Variants in RIMS2 observed in about 807,000 individuals in gnomAD.
The protein encoded by RIMS2 is regulating synaptic membrane exocytosis 2, also known as regulating synaptic membrane exocytosis protein 2.
Under a neutral mutation model 174.4 loss-of-function variants are expected in RIMS2, and 59 were observed. The ratio of observed to expected loss-of-function variants is 0.34; its 90% CI spans 0.27 to 0.42. RIMS2 has a LOEUF of 0.42. RIMS2 is among the 10% of genes least tolerant of loss of function. The pLI, the probability that RIMS2 is intolerant of heterozygous loss-of-function variation, is 1.00. For synonymous variants in RIMS2, 606 were observed against 572.5 expected, an observed-to-expected ratio of 1.06 and a Z score of -0.84; for missense variants, 1,620 against 1,666.3, an observed-to-expected ratio of 0.97 and a Z score of 0.48.
chr8:103,785,131 C>A (rs1228475296), intron 3 of RIMS2, among the ~76,000 whole-genome samples: 2 of 142,950 alleles, frequency 1.4e-5, no homozygotes, highest in African/African-American at 2.7e-5. Flanking sequence ...TATCCTGAGA[C>A]TTTGCTGAAG....
At chr8:103,915,725 T>A in intron 7 of RIMS2, 131 bp downstream of exon 10, 1 of 449,012 alleles carries the variant, frequency 2.2e-6, no homozygotes, top group Non-Finnish European at 4.0e-6. Context: ...TCTCTATTCA[T>A]TAATGGAAAG....
At chr8:104,181,167 T>C (rs1017441363) in intron 19 of RIMS2, among the ~76,000 whole-genome samples, 5 of 151,674 alleles carry the variant, frequency 3.3e-5, no homozygotes, top group African/African-American at 9.7e-5. Context: ...AAAAGCAAAA[T>C]AGAATAGGTG....
At chr8:103,566,397 A>G (rs745632741) in intron 1 of RIMS2, among the ~76,000 whole-genome samples, 2 of 152,130 alleles carry the variant, frequency 1.3e-5, no homozygotes, top group African/African-American at 2.4e-5. Context: ...AGATGTTCAA[A>G]GTTGTCATTT....
chr8:104,158,745 G>GT lies in RIMS2; in HGVS notation c.3335-86163dup, dbSNP rs1051810064. On this transcript the variant is annotated intron_variant, in intron 19 of 23. Coordinates refer to ENST00000504942, the Ensembl canonical transcript of RIMS2. ...CCTTTGCCCACTTTCTGATGGGGTT[G>GT]TTTTTTTTCTTGTAAATTTGTTTAA... Among the ~76,000 whole-genome samples, 355 of 151,750 alleles carry GT rather than the reference G, an allele frequency of 2.3e-3. 4 individuals carry two copies. Among genetic ancestry groups the GT allele is most frequent in the Middle Eastern group, 3.4e-3 (1 of 294 alleles).
At position 104,209,455 on chromosome 8, in the gene RIMS2, T is replaced by C. The variant is rs76308568; in HGVS notation, c.3335-35461T>C. ...GCTTAGAGGAACAAGAGAACTATCTTCAAGACTTTGCTCAAATATCTCCTT... is the reference window on the plus strand; with the variant it reads ...GCTTAGAGGAACAAGAGAACTATCTCCAAGACTTTGCTCAAATATCTCCTT... On this transcript the variant is annotated intron_variant, in intron 19 of 23. Transcript: ENST00000504942. Among the ~76,000 whole-genome samples, 1,508 of 152,288 alleles carry C rather than the reference T, an allele frequency of 9.9e-3. 20 individuals carry two copies. The highest frequency in any genetic ancestry group is 0.033 in the African/African-American group (1,357 of 41,562).
At chr8:104,075,736 A>G (rs1342961512) in intron 19 of RIMS2, among the ~76,000 whole-genome samples, 1 of 152,250 alleles carries the variant, frequency 6.6e-6, no homozygotes, top group Non-Finnish European at 1.5e-5. Flanking sequence ...ACCTGCTGAT[A>G]TGGGAGCATA....
intron 3 of RIMS2, among the ~76,000 whole-genome samples, chr8:103,779,532 C>T (rs959928124): frequency 6.6e-6 from 1 of 151,742 alleles, no homozygotes; most frequent in Admixed American, 6.6e-5. Flanking sequence ...GTTCTTGGTG[C>T]CTTTGTTGAA....
intron 19 of RIMS2, among the ~76,000 whole-genome samples, chr8:104,062,425 T>A (rs939754738): frequency 1.3e-5 from 2 of 152,154 alleles, no homozygotes; most frequent in Non-Finnish European, 2.9e-5. Flanking sequence ...TTTAAAAAAA[T>A]TCATTAAAAT....
chr8:104,205,964 C>T (rs2099078204), intron 19 of RIMS2, among the ~76,000 whole-genome samples: 1 of 151,996 alleles, frequency 6.6e-6, no homozygotes, highest in African/African-American at 2.4e-5. Context: ...CCATGTTGGC[C>T]AGGTTATTCT....
chr8:103,560,869 T>A (rs2091472142), intron 1 of RIMS2, among the ~76,000 whole-genome samples: 1 of 152,214 alleles, frequency 6.6e-6, no homozygotes, highest in African/African-American at 2.4e-5. Flanking sequence ...TAAGTAGGAA[T>A]CCTTAGCAAC....
chr8:103,960,932 AC>A (rs2089815838), intron 14 of RIMS2, 132 bp from the exon 17 acceptor site: 2 of 657,212 alleles, frequency 3.0e-6, no homozygotes, highest in Non-Finnish European at 5.4e-6. Context: ...GCTCATAAGG[AC>A]TTTTCTTCTG....
At chr8:103,630,352 A>G (rs981895028) in intron 1 of RIMS2, among the ~76,000 whole-genome samples, 2 of 152,140 alleles carry the variant, frequency 1.3e-5, no homozygotes, top group African/African-American at 4.8e-5. Context: ...AAATCTAGCA[A>G]AAATATCCTT....
chr8:103,663,077 G>A (rs2096623799), intron 1 of RIMS2, among the ~76,000 whole-genome samples: 1 of 152,016 alleles, frequency 6.6e-6, no homozygotes, highest in South Asian at 2.1e-4. Flanking sequence ...GCTGAGGCAG[G>A]AGAATTGCTT....
chr8:103,898,789 A>G (rs900654940), intron 4 of RIMS2, among the ~76,000 whole-genome samples: 1 of 151,336 alleles, frequency 6.6e-6, no homozygotes, highest in Non-Finnish European at 1.5e-5. Flanking sequence ...TTTGTTACAT[A>G]TGTATACATG....
At chr8:104,253,895 G>A (rs2099364259), downstream of RIMS2, 1 of 152,108 alleles carries the variant, frequency 6.6e-6, no homozygotes, top group African/African-American at 2.4e-5. Context: ...TTTATGTGGT[G>A]CAATATGAAA....
chr8:104,127,587 AG>A (rs1252214417), intron 19 of RIMS2, among the ~76,000 whole-genome samples: 1 of 152,170 alleles, frequency 6.6e-6, no homozygotes, highest in East Asian at 1.9e-4. Context: ...ACCTTGGATG[AG>A]TTACTTAGCC....
chr8:103,708,886 C>G (rs1169850588), intron 2 of RIMS2, among the ~76,000 whole-genome samples: 1 of 152,108 alleles, frequency 6.6e-6, no homozygotes, highest in African/African-American at 2.4e-5. Flanking sequence ...TTTCTCTAGA[C>G]AGCTTCAAGA....
At chr8:104,007,386 T>A (rs1420127938) in intron 17 of RIMS2, among the ~76,000 whole-genome samples, 8 of 152,182 alleles carry the variant, frequency 5.3e-5, no homozygotes, top group Admixed American at 1.3e-4. Context: ...ATTACTCTCA[T>A]TGAAAATTAA....
At chr8:103,508,055 A>T (rs1480854623) in intron 1 of RIMS2, among the ~76,000 whole-genome samples, 1 of 152,164 alleles carries the variant, frequency 6.6e-6, no homozygotes, top group Non-Finnish European at 1.5e-5. Flanking sequence ...GTTTGATTAT[A>T]TTGTGTTATA....
Sources: gnomAD v4.1 joint callset for allele counts (sites outside exome capture counted in the v4.1 genomes callset) on GRCh38, gnomAD v4.1.1 for gene constraint, MANE v1.5 for transcripts, NCBI Gene and HGNC (gene_info 2026-07-23, HGNC 2026-07-21) for gene names.